Variants in PPP3CA observed in about 807,000 individuals in gnomAD.
PPP3CA encodes the protein CAM-PRP catalytic subunit.
A neutral mutation model predicts 66.5 loss-of-function variants in PPP3CA; 14 were observed. The ratio of observed to expected loss-of-function variants is 0.21; its 90% CI spans 0.14 to 0.33. The LOEUF (loss-of-function observed/expected upper bound fraction) is 0.33. Among genes scored for constraint, PPP3CA ranks in the 10% least tolerant of loss-of-function variants. The probability of loss-of-function intolerance (pLI) is 1.00; values close to 1 mark genes in which losing one functional copy is unlikely to be tolerated. For synonymous variants in PPP3CA, 232 were observed against 226.2 expected, an observed-to-expected ratio of 1.03 and a Z score of -0.23; for missense variants, 317 against 639.5, an observed-to-expected ratio of 0.50 and a Z score of 5.44.
intron 2 of PPP3CA, among the ~76,000 whole-genome samples, chr4:101,110,575 G>A (rs1470285965): frequency 6.6e-6 from 1 of 152,108 alleles, no homozygotes; most frequent in Admixed American, 6.6e-5. Flanking sequence ...CAATCATATA[G>A]CTTCTTCCCT....
rs111691108 is a variant in PPP3CA, at chr4:101,320,618, A to G, written c.58+26121T>C. Among the ~76,000 whole-genome samples, 16 of 152,238 alleles carry G rather than the reference A, an allele frequency of 1.1e-4. 1 individual carries two copies. Among genetic ancestry groups the G allele is most frequent in the African/African-American group, 3.6e-4 (15 of 41,556 alleles). On this transcript the variant is annotated intron_variant, in intron 1 of 13. Coordinates refer to ENST00000394854, the MANE Select transcript of PPP3CA (RefSeq NM_000944.5). The stretch of plus-strand genomic sequence containing the variant: ...AAGAAATAACCTTCATATAGAAAGA[A>G]ACAATGCTTCTGGCTAAAAACCTTG...
intron 2 of PPP3CA, among the ~76,000 whole-genome samples, chr4:101,173,174 A>G (rs1374674527): frequency 6.6e-6 from 1 of 152,136 alleles, no homozygotes; most frequent in Admixed American, 6.6e-5. Context: ...TTAGGGATTA[A>G]TGGAACAGGG....
chr4:101,181,352 A>G (rs1181523551), intron 2 of PPP3CA, among the ~76,000 whole-genome samples: 1 of 152,082 alleles, frequency 6.6e-6, no homozygotes, highest in Non-Finnish European at 1.5e-5. Context: ...CAAATACTCA[A>G]TACTCTAAAA....
At chr4:101,131,898 A>T (rs1250692659) in intron 2 of PPP3CA, among the ~76,000 whole-genome samples, 2 of 152,212 alleles carry the variant, frequency 1.3e-5, no homozygotes, top group Non-Finnish European at 2.9e-5. Flanking sequence ...ATCATAATGA[A>T]CAGTCTCTCA....
At chr4:101,314,399 C>T (rs964175940) in intron 1 of PPP3CA, among the ~76,000 whole-genome samples, 1 of 151,626 alleles carries the variant, frequency 6.6e-6, no homozygotes, top group African/African-American at 2.4e-5. Flanking sequence ...CCCGTCTCTA[C>T]TAAAATACAA....
intron 1 of PPP3CA, among the ~76,000 whole-genome samples, chr4:101,203,026 T>C (rs1457500829): frequency 6.6e-6 from 1 of 152,194 alleles, no homozygotes; most frequent in Non-Finnish European, 1.5e-5. Flanking sequence ...AGCAAAATAG[T>C]ATCTTACATA....
In PPP3CA at chr4:101,282,505, G is replaced by T. The variant is rs561225341; in HGVS notation, c.58+64234C>A. On this transcript the variant is annotated intron_variant, in intron 1 of 13. Coordinates refer to ENST00000394854, the MANE Select transcript of PPP3CA (RefSeq NM_000944.5). ...CGCAGTCAGCATATTCCCTGGATTG[G>T]ACTGATCTCAGGGCTTCTAGTCCTG... is the stretch of plus-strand genomic sequence containing the variant. Among the ~76,000 whole-genome samples the T allele has an allele frequency of 6.6e-5, 10 of 152,286 alleles. No individual in the cohort carries two copies. The South Asian group carries it at 1.9e-3, about 28-fold the overall frequency.
intron 2 of PPP3CA, among the ~76,000 whole-genome samples, chr4:101,177,441 G>T (rs1421424472): frequency 2.0e-5 from 3 of 152,030 alleles, no homozygotes; most frequent in African/African-American, 7.2e-5. Flanking sequence ...TAGTAGTCCT[G>T]TACTCTCATC....
rs193246530 is a variant in PPP3CA at position 101,200,556 on chromosome 4, C to T, written c.59-4440G>A. Among the ~76,000 whole-genome samples, 585 of 152,206 alleles carry T rather than the reference C, an allele frequency of 3.8e-3. 5 individuals carry two copies. Among genetic ancestry groups the T allele is most frequent in the African/African-American group, 0.013 (558 of 41,544 alleles). ...CCTATAAATGCTGACAAAAAAGATT[C>T]AAGAGAATATTTAGCCTAGTGATCT... On this transcript the variant is annotated intron_variant, in intron 1 of 13. Transcript: ENST00000394854.
intron 5 of PPP3CA, among the ~76,000 whole-genome samples, chr4:101,095,110 A>T (rs1730136446): frequency 6.6e-6 from 1 of 152,156 alleles, no homozygotes; most frequent in African/African-American, 2.4e-5. Context: ...ATAAAACAAG[A>T]CTACATTTCA....
intron 8 of PPP3CA, among the ~76,000 whole-genome samples, chr4:101,069,893 C>T (rs565531089): frequency 6.6e-6 from 1 of 152,110 alleles, no homozygotes; most frequent in East Asian, 1.9e-4. Flanking sequence ...ACATAACATA[C>T]AAAATATGTG....
At chr4:101,044,807 C>T (rs1461842978) in intron 10 of PPP3CA, among the ~76,000 whole-genome samples, 2 of 152,208 alleles carry the variant, frequency 1.3e-5, no homozygotes, top group African/African-American at 4.8e-5. Context: ...ACATATCCTT[C>T]TTGCCCTTAA....
At chr4:101,187,523 T>C (rs1724451285) in intron 2 of PPP3CA, among the ~76,000 whole-genome samples, 1 of 152,166 alleles carries the variant, frequency 6.6e-6, no homozygotes, top group South Asian at 2.1e-4. Context: ...CTTTGATATA[T>C]ATTTAATAAA....
intron 1 of PPP3CA, among the ~76,000 whole-genome samples, chr4:101,308,656 C>T (rs1173708880): frequency 6.6e-6 from 1 of 152,078 alleles, no homozygotes; most frequent in African/African-American, 2.4e-5. Flanking sequence ...ATGTTTCTAA[C>T]TCCTGGCCTC....
intron 1 of PPP3CA, among the ~76,000 whole-genome samples, chr4:101,200,722 A>C (rs562147075): frequency 7.9e-5 from 12 of 152,114 alleles, no homozygotes; most frequent in Non-Finnish European, 1.8e-4. Context: ...TGCTTACACA[A>C]TCCTGGTGCT....
rs149105074 is a variant in PPP3CA at position 101,131,081 on chromosome 4, G to A, written c.260-22003C>T. On this transcript the variant is annotated intron_variant, in intron 2 of 13. Transcript: ENST00000394854. The stretch of plus-strand genomic sequence containing the variant: ...GTGAAACCCCGTCTCTACTAAGAAC[G>A]CAAATATTAGTGGGGCATGGTGGTG... 3.7e-3 allele frequency among the ~76,000 whole-genome samples: 560 copies of A among 151,730 alleles called. 1 individual carries two copies. Among genetic ancestry groups the A allele is most frequent in the Non-Finnish European group, 7.2e-3 (486 of 67,914 alleles).
chr4:101,064,513 A>G (rs555286664), intron 8 of PPP3CA, among the ~76,000 whole-genome samples: 22 of 152,098 alleles, frequency 1.4e-4, no homozygotes, highest in African/African-American at 5.3e-4. Flanking sequence ...ATATCATATG[A>G]TCTTTTCTTG....
Position 101,109,308 on chromosome 4 carries a change from TAAA to T in PPP3CA, c.260-233_260-231del, listed in dbSNP as rs70961775. The stretch of plus-strand genomic sequence containing the variant: ...TGAGTCCACTAGTATACAGATTAAC[TAAA>T]AAAAAAAAAAAAAAAAAAAAGAAGA... On this transcript the variant is annotated intron_variant, in intron 2 of 13. Transcript: ENST00000394854. Among the ~76,000 whole-genome samples the T allele has an allele frequency of 4.8e-3, 435 of 90,048 alleles. 2 individuals carry two copies. The highest frequency in any genetic ancestry group is 6.8e-3 in the Non-Finnish European group (310 of 45,322). The allele number at this position is 90,048 out of a possible 152,430, so 59.1% of individuals were successfully genotyped here.
intron 13 of PPP3CA, among the ~76,000 whole-genome samples, chr4:101,028,348 C>G (rs1020182940): frequency 1.3e-5 from 2 of 152,078 alleles, no homozygotes; most frequent in East Asian, 3.9e-4. Flanking sequence ...ATTTAAACAA[C>G]AGTCAAGTAA....
Sources: gnomAD v4.1 joint callset for allele counts (sites outside exome capture counted in the v4.1 genomes callset) on GRCh38, gnomAD v4.1.1 for gene constraint, MANE v1.5 for transcripts, NCBI Gene and HGNC (gene_info 2026-07-23, HGNC 2026-07-21) for gene names.